The following TGM6 variants were observed in gnomAD, a reference collection of about 807,000 sequenced individuals.
TGM6 encodes the protein protein-glutamine gamma-glutamyltransferase 6.
In TGM6, 74 loss-of-function variants were observed where a neutral mutation model predicts 77.5. The ratio of observed to expected loss-of-function variants is 0.96; its 90% CI spans 0.79 to 1.16. The LOEUF (loss-of-function observed/expected upper bound fraction) is 1.16, where lower values mean the gene tolerates loss of function less well. TGM6 is among the 50% of genes most tolerant of loss of function. The pLI is 0.00. For missense variants in TGM6, 968 were observed against 940.2 expected, an observed-to-expected ratio of 1.03 and a Z score of -0.39; for synonymous variants, 383 against 378.9, an observed-to-expected ratio of 1.01 and a Z score of -0.12.
chr20:2,421,521 T>A (rs1325224255), intron 10 of TGM6, among the ~76,000 whole-genome samples: 1 of 152,256 alleles, frequency 6.6e-6, no homozygotes, highest in Non-Finnish European at 1.5e-5. Flanking sequence ...AGTTTACTAT[T>A]CACTAATGAC....
At chr20:2,405,975 C>T (rs761321732) in intron 9 of TGM6, among the ~76,000 whole-genome samples, 13 of 152,284 alleles carry the variant, frequency 8.5e-5, no homozygotes, top group South Asian at 6.2e-4. Flanking sequence ...TACCAACTTC[C>T]CTTTCTGTAG....
chr20:2,420,369 TAC>T (rs2122417514), intron 10 of TGM6, among the ~76,000 whole-genome samples: 1 of 152,232 alleles, frequency 6.6e-6, no homozygotes, highest in Admixed American at 6.5e-5. Context: ...GAGTGGGAAG[TAC>T]AGAGAGTTCC....
intron 9 of TGM6, among the ~76,000 whole-genome samples, chr20:2,416,526 A>T (rs990398839): frequency 1.3e-5 from 2 of 152,244 alleles, no homozygotes; most frequent in Non-Finnish European, 2.9e-5. Context: ...TTTTAATTAC[A>T]TGCAAATTAA....
intron 1 of TGM6, among the ~76,000 whole-genome samples, chr20:2,392,256 G>A (rs563788170): frequency 2.0e-5 from 3 of 152,252 alleles, no homozygotes; most frequent in African/African-American, 7.2e-5. Flanking sequence ...CCCTGAATAG[G>A]GGAAGAGGAT....
intron 2 of TGM6, 45 bp downstream of exon 2, chr20:2,394,670 G>A (rs759516203): frequency 6.4e-7 from 1 of 1,566,698 alleles, no homozygotes; most frequent in South Asian, 1.2e-5. Context: ...CAGCTGGAGG[G>A]ACCTGTCTTA....
intron 10 of TGM6, among the ~76,000 whole-genome samples, chr20:2,427,075 A>AT (rs2084892774): frequency 7.0e-6 from 1 of 142,952 alleles, no homozygotes; most frequent in Admixed American, 7.0e-5. Flanking sequence ...GAATTGCTAT[A>AT]ATTTTTTTTT....
chr20:2,393,536 T>A (rs2084642144), intron 1 of TGM6, among the ~76,000 whole-genome samples: 1 of 152,184 alleles, frequency 6.6e-6, no homozygotes, highest in African/African-American at 2.4e-5. Context: ...TATTAAATTA[T>A]GTTTGTTTGT....
rs1028540063 is a variant in TGM6, at chr20:2,412,917, C to T, written c.1337-4315C>T. On this transcript the variant is annotated intron_variant, in intron 9 of 12. Coordinates refer to ENST00000202625, the MANE Select transcript of TGM6 (RefSeq NM_198994.3). ...GAAAAGGCATCCCATTTTCATTGAT[C>T]GAAAGGGTTTATATTGTTAAAATTG... Among the ~76,000 whole-genome samples, 11 of 152,184 alleles carry T rather than the reference C, an allele frequency of 7.2e-5. No homozygotes were observed. The East Asian group carries it at 7.7e-4, about 11-fold the overall frequency.
intron 1 of TGM6, among the ~76,000 whole-genome samples, chr20:2,393,024 G>A (rs898523747): frequency 4.6e-5 from 7 of 152,220 alleles, no homozygotes; most frequent in African/African-American, 1.7e-4. Flanking sequence ...CATGCATTGA[G>A]GGCAAGCCCA....
In TGM6 at chr20:2,396,472, C is replaced by T. The variant is rs752668749; in HGVS notation, c.425-34C>T. On this transcript the variant is annotated intron_variant, in intron 3 of 12. Transcript: ENST00000202625. ...TCCCCAGGCCAGCAAGGCCAGAGCC[C>T]CAGTCCACACCGGGCCTGATGACTG... 29 of 1,604,884 alleles carry T rather than the reference C, an allele frequency of 1.8e-5. No individual in the cohort carries two copies. In the South Asian group the frequency reaches 2.6e-4, roughly 15 times the overall value.
intron 1 of TGM6, among the ~76,000 whole-genome samples, chr20:2,384,034 G>T (rs1387563100): frequency 1.3e-5 from 2 of 151,192 alleles, no homozygotes; most frequent in Non-Finnish European, 2.9e-5. Context: ...ATGAACCCGG[G>T]AGGCGGAGCT....
intron 5 of TGM6, among the ~76,000 whole-genome samples, chr20:2,398,624 C>T (rs541546475): frequency 6.6e-6 from 1 of 152,088 alleles, no homozygotes; most frequent in African/African-American, 2.4e-5. Flanking sequence ...AGCTCCCAGT[C>T]TTATAAGGTC....
chr20:2,409,841 C>T (rs2084773994), intron 9 of TGM6, among the ~76,000 whole-genome samples: 1 of 151,802 alleles, frequency 6.6e-6, no homozygotes, highest in African/African-American at 2.4e-5. Context: ...AAAAGAAAAT[C>T]AACAAAACCA....
chr20:2,391,787 G>A (rs759683063), intron 1 of TGM6, among the ~76,000 whole-genome samples: 5 of 152,032 alleles, frequency 3.3e-5, no homozygotes, highest in East Asian at 1.9e-4. Flanking sequence ...GGCTGACTAC[G>A]GCCCTTAGGA....
At chr20:2,425,926 C>A (rs1243972320) in intron 10 of TGM6, among the ~76,000 whole-genome samples, 7 of 152,118 alleles carry the variant, frequency 4.6e-5, no homozygotes, top group African/African-American at 1.7e-4. Context: ...TATAATTTCC[C>A]TACTGTGTTA....
chr20:2,414,729 G>A (rs549799416), intron 9 of TGM6, among the ~76,000 whole-genome samples: 8 of 152,208 alleles, frequency 5.3e-5, no homozygotes, highest in African/African-American at 1.2e-4. Context: ...AAAAAGGAAC[G>A]CAGTACTGAT....
chr20:2,398,952 T>C (rs6114027), intron 5 of TGM6, among the ~76,000 whole-genome samples: 22,777 of 152,052 alleles, frequency 0.15, 2,037 homozygotes, highest in African/African-American at 0.24. Context: ...CAGAGAGCAG[T>C]TGGAGCACAG....
At chr20:2,393,601 T>C (rs2084642473) in intron 1 of TGM6, among the ~76,000 whole-genome samples, 1 of 152,184 alleles carries the variant, frequency 6.6e-6, no homozygotes, top group Non-Finnish European at 1.5e-5. Flanking sequence ...TGGTGCAATC[T>C]GAGCTCACGG....
intron 9 of TGM6, among the ~76,000 whole-genome samples, chr20:2,404,568 C>T (rs1304369351): frequency 6.6e-6 from 1 of 152,118 alleles, no homozygotes; most frequent in East Asian, 1.9e-4. Context: ...AAAGAGGAGA[C>T]ACAATCTGCT....
Sources: gnomAD v4.1 joint callset for allele counts (sites outside exome capture counted in the v4.1 genomes callset) on GRCh38, gnomAD v4.1.1 for gene constraint, MANE v1.5 for transcripts, NCBI Gene and HGNC (gene_info 2026-07-23, HGNC 2026-07-21) for gene names.